ASIC2: variants seen among roughly 807,000 people sequenced by gnomAD.
The protein encoded by ASIC2 is acid sensing ion channel subunit 2, also known as acid-sensing ion channel 2.
In ASIC2, 25 loss-of-function variants were observed where a neutral mutation model predicts 57.3. That is an observed-to-expected ratio of 0.44 (90% CI 0.32 to 0.61). The LOEUF is 0.61. ASIC2 is among the 20% of genes least tolerant of loss of function. The pLI is 0.06. For synonymous variants in ASIC2, 319 were observed against 307.5 expected (o/e 1.04, Z -0.39); for missense variants, 641 against 738.1 (o/e 0.87, Z 1.52).
chr17:34,153,739 G>T (rs1015898844), intron 1 of ASIC2, among the ~76,000 whole-genome samples: 2 of 152,172 alleles, frequency 1.3e-5, no homozygotes, highest in Non-Finnish European at 2.9e-5. Flanking sequence ...GATGGGGAAG[G>T]TCACACATAG....
At chr17:33,773,236 A>G (rs1911169196) in intron 1 of ASIC2, among the ~76,000 whole-genome samples, 1 of 152,142 alleles carries the variant, frequency 6.6e-6, no homozygotes, top group African/African-American at 2.4e-5. Context: ...TAAATCATAC[A>G]ATGAACTCCC....
At chr17:33,326,447 C>T (rs1270482126) in intron 1 of ASIC2, among the ~76,000 whole-genome samples, 1 of 152,144 alleles carries the variant, frequency 6.6e-6, no homozygotes, top group East Asian at 1.9e-4. Context: ...TTTATTTAAC[C>T]TCTCTGAGCC....
At chr17:33,620,917 C>T (rs1307444831) in intron 1 of ASIC2, among the ~76,000 whole-genome samples, 1 of 152,136 alleles carries the variant, frequency 6.6e-6, no homozygotes, top group South Asian at 2.1e-4. Flanking sequence ...GAGCCCGCCC[C>T]CTTCCACCAT....
In ASIC2 at chr17:33,239,216, G is replaced by A. The variant is rs570010219; in HGVS notation, c.708+52192C>T. Among the ~76,000 whole-genome samples, 16 of 152,222 alleles carry A rather than the reference G, an allele frequency of 1.1e-4. No individual in the cohort carries two copies. In the East Asian group the frequency reaches 2.7e-3, roughly 26 times the overall value. On this transcript the variant is annotated intron_variant, in intron 1 of 9. Coordinates refer to ENST00000225823, the MANE Select transcript of ASIC2 (RefSeq NM_183377.2). ...TGAGGCAAGATAATTGCTTGAACCC[G>A]GGAGGCGGAGGTTGCAGTCAGCCAA... is the stretch of plus-strand genomic sequence containing the variant.
upstream of ASIC2, among the ~76,000 whole-genome samples, chr17:33,296,170 A>G (rs906038885): frequency 6.6e-6 from 1 of 152,186 alleles, no homozygotes; most frequent in South Asian, 2.1e-4. Context: ...TACACTAAAA[A>G]CAAGTATCAT....
intron 1 of ASIC2, among the ~76,000 whole-genome samples, chr17:33,164,727 T>C (rs1186265332): frequency 6.6e-6 from 1 of 152,186 alleles, no homozygotes; most frequent in Non-Finnish European, 1.5e-5. Flanking sequence ...TTGTCAAGAA[T>C]TCCTTGGAGT....
intron 1 of ASIC2, among the ~76,000 whole-genome samples, chr17:33,631,145 C>T (rs954701565): frequency 5.9e-5 from 9 of 152,068 alleles, no homozygotes; most frequent in African/African-American, 1.9e-4. Context: ...GAGTCAGAGG[C>T]CCTGAAGCCA....
At chr17:33,213,777 G>T (rs1372891561) in intron 1 of ASIC2, among the ~76,000 whole-genome samples, 1 of 152,130 alleles carries the variant, frequency 6.6e-6, no homozygotes, top group Non-Finnish European at 1.5e-5. Context: ...TGTGTCTCTG[G>T]AAAATGGGGT....
chr17:33,549,666 T>C (rs1361252878), intron 1 of ASIC2, among the ~76,000 whole-genome samples: 2 of 152,226 alleles, frequency 1.3e-5, no homozygotes, highest in Admixed American at 1.3e-4. Flanking sequence ...CTTGGCATTA[T>C]GAAAGTACTT....
chr17:33,693,400 C>G (rs1047105662), intron 1 of ASIC2, among the ~76,000 whole-genome samples: 50 of 152,316 alleles, frequency 3.3e-4, no homozygotes, highest in Middle Eastern at 3.4e-3. Flanking sequence ...TCTGTCAGGT[C>G]TAGGCCTGTT....
At position 34,077,996 on chromosome 17, in the gene ASIC2, G is replaced by A. The variant is rs184282307; in HGVS notation, c.555+77982C>T. Among the ~76,000 whole-genome samples the A allele has an allele frequency of 6.6e-5, 10 of 152,256 alleles. No individual in the cohort carries two copies. The East Asian group carries it at 1.9e-3, about 29-fold the overall frequency. On this transcript the variant is annotated intron_variant, in intron 1 of 9. Coordinates refer to the ASIC2 transcript ENST00000359872. ...TAGAGGGCCAGCTCTACTCTCTGAT[G>A]ACATCTTCACATCTCTGTGCCTCTT...
intron 3 of ASIC2, among the ~76,000 whole-genome samples, chr17:33,076,785 G>A (rs1224971916): frequency 6.6e-6 from 1 of 152,124 alleles, no homozygotes; most frequent in African/African-American, 2.4e-5. Context: ...AGGGGGTGGG[G>A]GAAATGCATA....
intron 1 of ASIC2, among the ~76,000 whole-genome samples, chr17:33,778,962 G>A (rs1217607379): frequency 2.0e-5 from 3 of 152,046 alleles, no homozygotes; most frequent in African/African-American, 7.2e-5. Flanking sequence ...TCCCCCTCCT[G>A]GCATCTTAAG....
chr17:33,867,935 G>T (rs1914285539), intron 1 of ASIC2, among the ~76,000 whole-genome samples: 1 of 152,202 alleles, frequency 6.6e-6, no homozygotes, highest in African/African-American at 2.4e-5. Flanking sequence ...GATGTCAGTG[G>T]CTTCTTCCCA....
At chr17:33,465,374 T>TA (rs1216112472) in intron 1 of ASIC2, among the ~76,000 whole-genome samples, 8 of 4,728 alleles carry the variant, frequency 1.7e-3, no homozygotes, top group African/African-American at 6.7e-3. Flanking sequence ...TTCTTTTTCT[T>TA]TTTTTTTTTT....
At chr17:33,838,257 G>T (rs1913330060) in intron 1 of ASIC2, among the ~76,000 whole-genome samples, 1 of 152,172 alleles carries the variant, frequency 6.6e-6, no homozygotes, top group African/African-American at 2.4e-5. Context: ...ATGATAGGAA[G>T]TAGAAGGGAA....
chr17:34,059,705 G>C (rs1567804561), intron 1 of ASIC2, among the ~76,000 whole-genome samples: 1 of 152,122 alleles, frequency 6.6e-6, no homozygotes, highest in Non-Finnish European at 1.5e-5. Context: ...GCTGGGTGAG[G>C]CCTGTGACTG....
chr17:34,042,324 A>T (rs1377722526), intron 1 of ASIC2, among the ~76,000 whole-genome samples: 1 of 152,190 alleles, frequency 6.6e-6, no homozygotes, highest in East Asian at 1.9e-4. Flanking sequence ...AACAACCCAA[A>T]CATCCATCAA....
intron 1 of ASIC2, among the ~76,000 whole-genome samples, chr17:33,553,828 T>A (rs1567648225): frequency 6.6e-6 from 1 of 152,288 alleles, no homozygotes; most frequent in East Asian, 1.9e-4. Context: ...AAATAACTTA[T>A]TCTAATGTCT....
Sources: allele counts gnomAD v4.1 joint callset (sites outside exome capture counted in the v4.1 genomes callset), GRCh38; gene constraint gnomAD v4.1.1; transcripts MANE v1.5; gene names NCBI Gene and HGNC (gene_info 2026-07-23, HGNC 2026-07-21).